LAMA2: variants seen among roughly 807,000 people sequenced by gnomAD.
LAMA2 encodes the protein laminin subunit alpha 2.
In LAMA2, 269 loss-of-function variants were observed where a neutral mutation model predicts 364.8. That is an observed-to-expected ratio of 0.74 (90% CI 0.67 to 0.82). The LOEUF is 0.82. Ranked by LOEUF, LAMA2 falls within the 40% of genes least tolerant of loss-of-function variation. The probability of loss-of-function intolerance (pLI) is 0.00; values close to 1 mark genes in which losing one functional copy is unlikely to be tolerated. For missense variants in LAMA2, 3,807 were observed against 3,873.2 expected (o/e 0.98, Z 0.45); for synonymous variants, 1,379 against 1,370.6 (o/e 1.01, Z -0.14).
At chr6:129,088,471 C>T (rs182580616) in intron 3 of LAMA2, among the ~76,000 whole-genome samples, 264 of 147,206 alleles carry the variant, frequency 1.8e-3, no homozygotes, top group African/African-American at 6.4e-3. Flanking sequence ...AAGGGGTGGC[C>T]GGTAGAGGCG....
At chr6:128,907,665 C>T (rs1463913220) in intron 1 of LAMA2, among the ~76,000 whole-genome samples, 1 of 152,120 alleles carries the variant, frequency 6.6e-6, no homozygotes, top group East Asian at 1.9e-4. Flanking sequence ...GAACTTCCAA[C>T]ACTATATTGA....
At chr6:129,251,078 A>ACTCTCTCTCTCTCTC (rs1786197298) in intron 13 of LAMA2, among the ~76,000 whole-genome samples, 1 of 36,186 alleles carries the variant, frequency 2.8e-5, no homozygotes, top group East Asian at 8.2e-4. Flanking sequence ...CTCTCTCTCT[A>ACTCTCTCTCTCTCTC]TATATATATA....
At chr6:129,390,343 A>G (rs1779253088) in intron 35 of LAMA2, among the ~76,000 whole-genome samples, 1 of 151,854 alleles carries the variant, frequency 6.6e-6, no homozygotes, top group Non-Finnish European at 1.5e-5. Flanking sequence ...TTTTAGAACC[A>G]CTGTACTGAC....
chr6:129,422,973 C>T (rs1396994901), intron 40 of LAMA2, among the ~76,000 whole-genome samples: 1 of 151,952 alleles, frequency 6.6e-6, no homozygotes, highest in Non-Finnish European at 1.5e-5. Flanking sequence ...TAATGATTTA[C>T]TCAAAGGATT....
chr6:129,446,978 G>A (rs551334060), intron 45 of LAMA2, among the ~76,000 whole-genome samples: 2 of 152,286 alleles, frequency 1.3e-5, no homozygotes, highest in African/African-American at 2.4e-5. Context: ...CATATATTCA[G>A]CTAGAATATG....
chr6:129,079,034 G>A (rs193021060), intron 3 of LAMA2, among the ~76,000 whole-genome samples: 209 of 152,156 alleles, frequency 1.4e-3, no homozygotes, highest in African/African-American at 4.7e-3. Context: ...TCACACACAC[G>A]TACATATATG....
rs1031955428 is a variant in LAMA2, at chr6:129,498,008, A to ACTT, written c.8245-4649_8245-4647dup. 8.8e-4 allele frequency among the ~76,000 whole-genome samples: 134 copies of ACTT among 152,286 alleles called. 1 individual carries two copies. Among genetic ancestry groups the ACTT allele is most frequent in the African/African-American group, 3.1e-3 (128 of 41,556 alleles). On this transcript the variant is annotated intron_variant, in intron 58 of 64. Transcript: ENST00000421865. ...GAGGTAGAGGTAGATAAGAGGCTGA[A>ACTT]CTTCAAGTATTACAGAAATTTGTTG...
intron 31 of LAMA2, among the ~76,000 whole-genome samples, chr6:129,352,512 C>CT (rs1296356996): frequency 6.6e-6 from 1 of 152,156 alleles, no homozygotes; most frequent in Non-Finnish European, 1.5e-5. Flanking sequence ...TCTGAGTAGC[C>CT]TATTGCCACT....
At chr6:129,106,876 ATAT>A (rs1255158645) in intron 4 of LAMA2, among the ~76,000 whole-genome samples, 12 of 109,590 alleles carry the variant, frequency 1.1e-4, no homozygotes, top group African/African-American at 5.1e-4. Context: ...AAAAAAAAAA[ATAT>A]ATATATATAT....
At chr6:129,313,698 A>G (rs1196034335) in intron 23 of LAMA2, among the ~76,000 whole-genome samples, 1 of 152,212 alleles carries the variant, frequency 6.6e-6, no homozygotes, top group Non-Finnish European at 1.5e-5. Context: ...TGAAAAATCA[A>G]TTCCAGGATA....
intron 40 of LAMA2, among the ~76,000 whole-genome samples, chr6:129,410,413 CTG>C (rs1399920784): frequency 8.5e-5 from 13 of 152,104 alleles, no homozygotes; most frequent in Non-Finnish European, 1.8e-4. Flanking sequence ...CTTGCAATGA[CTG>C]TCATTTTGTA....
intron 12 of LAMA2, among the ~76,000 whole-genome samples, chr6:129,208,691 A>G (rs1782871481): frequency 2.2e-5 from 3 of 138,388 alleles, no homozygotes; most frequent in Admixed American, 1.4e-4. Context: ...GAAAGAAAGA[A>G]AAAGGAAGGA....
chr6:129,499,602 AAAG>A (rs1356007686), intron 58 of LAMA2, among the ~76,000 whole-genome samples: 1 of 152,210 alleles, frequency 6.6e-6, no homozygotes, highest in Non-Finnish European at 1.5e-5. Context: ...TAGAAGGAAA[AAAG>A]AAGCTTGAGC....
intron 13 of LAMA2, among the ~76,000 whole-genome samples, chr6:129,251,100 A>ATATG (rs1226698034): frequency 7.7e-6 from 1 of 130,018 alleles, no homozygotes; most frequent in African/African-American, 2.9e-5. Flanking sequence ...ATATATATAT[A>ATATG]TATATGGCAA....
chr6:128,945,027 A>C (rs1780405712), intron 1 of LAMA2, among the ~76,000 whole-genome samples: 3 of 152,120 alleles, frequency 2.0e-5, no homozygotes, highest in African/African-American at 7.2e-5. Flanking sequence ...GAAAGAGTGG[A>C]GGTAGCTCTG....
chr6:128,921,647 G>T (rs879676128), intron 1 of LAMA2, among the ~76,000 whole-genome samples: 8 of 150,692 alleles, frequency 5.3e-5, no homozygotes, highest in Non-Finnish European at 1.2e-4. Context: ...CAACTAGGCT[G>T]ACATTTTGGT....
At chr6:129,231,026 CTAAATA>C (rs1784641572) in intron 12 of LAMA2, among the ~76,000 whole-genome samples, 1 of 151,964 alleles carries the variant, frequency 6.6e-6, no homozygotes, top group Non-Finnish European at 1.5e-5. Context: ...GTGCTGTACA[CTAAATA>C]TCAGTAGCAC....
Position 129,452,998 on chromosome 6 carries a change from CTG to C in LAMA2, c.6444_6445del (p.Ser2149PhefsTer4). 6.2e-7 allele frequency: 1 copy of C among 1,612,398 alleles called. No individual in the cohort carries two copies. Among genetic ancestry groups the C allele is most frequent in the Non-Finnish European group, 8.5e-7 (1 of 1,179,066 alleles). ...TTGTTTTTTTTAAAGATCAAAGTAT[CTG>C]TGTCTTCAGGAGGTGACTGCATTCG... On this transcript the variant is annotated frameshift_variant, in exon 46 of 65. Transcript: ENST00000421865. LOFTEE classifies it high-confidence loss of function.
intron 12 of LAMA2, among the ~76,000 whole-genome samples, chr6:129,204,177 A>G (rs992055777): frequency 2.6e-5 from 4 of 152,244 alleles, no homozygotes; most frequent in Admixed American, 2.6e-4. Flanking sequence ...AGTGCAAAAC[A>G]TAAATAAATC....
Sources: gnomAD v4.1 joint callset for allele counts (sites outside exome capture counted in the v4.1 genomes callset) on GRCh38, gnomAD v4.1.1 for gene constraint, MANE v1.5 for transcripts, NCBI Gene and HGNC (gene_info 2026-07-23, HGNC 2026-07-21) for gene names.